Variants in NMNAT3 observed in about 807,000 individuals in gnomAD.
NMNAT3 encodes the protein nicotinamide/nicotinic acid mononucleotide adenylyltransferase 3.
NMNAT3 carries 21 observed loss-of-function variants against 24.8 expected under a neutral mutation model. That is an observed-to-expected ratio of 0.85 (90% confidence interval 0.60 to 1.22). The LOEUF (loss-of-function observed/expected upper bound fraction) is 1.22. NMNAT3 is among the 50% of genes most tolerant of loss of function. NMNAT3 has a pLI of 0.00. For synonymous variants in NMNAT3, 136 were observed against 155.2 expected, an observed-to-expected ratio of 0.88 and a Z score of 0.92; for missense variants, 387 against 436.6, an observed-to-expected ratio of 0.89 and a Z score of 1.01.
chr3:139,669,477 AG>A (rs576218189), intron 1 of NMNAT3, among the ~76,000 whole-genome samples: 15,288 of 113,284 alleles, frequency 0.13, 1,286 homozygotes, highest in East Asian at 0.24. Flanking sequence ...ACCCTGTCTC[AG>A]AAAAAAAAAA....
At chr3:139,642,307 G>T (rs1021858956) in intron 1 of NMNAT3, among the ~76,000 whole-genome samples, 4 of 152,210 alleles carry the variant, frequency 2.6e-5, no homozygotes, top group Admixed American at 6.5e-5. Flanking sequence ...ACCTCAAGAG[G>T]CCTCAGTTCT....
chr3:139,675,135 TACACACACACACACAC>T (rs148834873), intron 1 of NMNAT3, among the ~76,000 whole-genome samples: 3 of 148,350 alleles, frequency 2.0e-5, no homozygotes, highest in South Asian at 4.4e-4. Flanking sequence ...CTTTTAAACA[TACACACACACACACAC>T]ACACACACAC....
chr3:139,561,466 C>G (rs1936371452), intron 6 of NMNAT3, 74 bp from the exon 7 acceptor site: 1 of 1,406,786 alleles, frequency 7.1e-7, no homozygotes, highest in African/African-American at 1.8e-5. Context: ...ATTGGAAAGT[C>G]TCACAAAATG....
At chr3:139,634,635 CT>C (rs2056433043) in intron 2 of NMNAT3, 1 of 152,208 alleles carries the variant, frequency 6.6e-6, no homozygotes, top group Non-Finnish European at 1.5e-5. Flanking sequence ...TAAGGATCCT[CT>C]GCCAGCCACC....
chr3:139,629,832 AC>A (rs1426927276), intron 2 of NMNAT3, among the ~76,000 whole-genome samples: 1 of 151,962 alleles, frequency 6.6e-6, no homozygotes, highest in African/African-American at 2.4e-5. Context: ...CAACCAGAAA[AC>A]CCCCCGGCAC....
At chr3:139,670,292 C>T (rs2057716740) in intron 1 of NMNAT3, among the ~76,000 whole-genome samples, 1 of 152,220 alleles carries the variant, frequency 6.6e-6, no homozygotes, top group African/African-American at 2.4e-5. Flanking sequence ...CCACTGACAG[C>T]ATCTCTATCT....
chr3:139,561,105 C>T lies in NMNAT3; in HGVS notation c.946G>A (p.Ala316Thr), dbSNP rs1395121990. 1 of 1,614,120 alleles carries T rather than the reference C, an allele frequency of 6.2e-7. No homozygotes were observed. The highest frequency in any genetic ancestry group is 8.5e-7 in the Non-Finnish European group (1 of 1,180,032). Residue 316 changes from alanine to threonine, a missense_variant, in exon 7 of 7, where the codon GCT becomes ACT. Ala to Thr is a moderately conservative substitution (Grantham distance 58). This residue lies in a region of NMNAT3 where 323 missense variants were observed against 345.2 expected (regional missense o/e 0.94). Transcript: ENST00000643695. ...TGGTCCTTGATGTACGTGATGACAG[C>T]ATCGGGAATCAGGTACTTTACGCTC... is the stretch of plus-strand genomic sequence containing the variant.
intron 3 of NMNAT3, among the ~76,000 whole-genome samples, chr3:139,609,063 C>T (rs779400543): frequency 5.3e-5 from 8 of 152,158 alleles, no homozygotes; most frequent in Admixed American, 1.3e-4. Context: ...AGTTGTTGCA[C>T]GAATGATTTG....
At chr3:139,613,020 C>G (rs1375345458) in intron 3 of NMNAT3, among the ~76,000 whole-genome samples, 1 of 152,122 alleles carries the variant, frequency 6.6e-6, no homozygotes, top group Non-Finnish European at 1.5e-5. Context: ...AGATCTAAAA[C>G]CATAAAAACC....
chr3:139,627,579 C>T (rs770632716), intron 3 of NMNAT3, 37 bp downstream of exon 4: 1 of 1,256,092 alleles, frequency 8.0e-7, no homozygotes. Flanking sequence ...GCCTAACCCA[C>T]CAGTTCTTCT....
At chr3:139,599,301 T>C (rs757530218) in intron 3 of NMNAT3, 1 of 702,410 alleles carries the variant, frequency 1.4e-6, no homozygotes, top group South Asian at 1.5e-5. Flanking sequence ...TCTTCCCTTT[T>C]GCAGACTTCA....
intron 3 of NMNAT3, among the ~76,000 whole-genome samples, chr3:139,612,735 G>A (rs2055285509): frequency 6.6e-6 from 1 of 152,130 alleles, no homozygotes; most frequent in African/African-American, 2.4e-5. Context: ...CATGGTGAGC[G>A]AGTTGGTTAA....
chr3:139,575,834 T>C, intron 5 of NMNAT3: 1 of 1,215,870 alleles, frequency 8.2e-7, no homozygotes, highest in African/African-American at 1.6e-5. Flanking sequence ...GGAGGGCAAC[T>C]GTGGGAGGTG....
At chr3:139,641,014 A>C in intron 1 of NMNAT3, among the ~76,000 whole-genome samples, 2 of 152,238 alleles carry the variant, frequency 1.3e-5, no homozygotes, top group East Asian at 3.8e-4. Context: ...AACGGTAGGC[A>C]GTTCATAAGT....
At chr3:139,633,392 C>T (rs1440183386) in intron 2 of NMNAT3, among the ~76,000 whole-genome samples, 1 of 152,022 alleles carries the variant, frequency 6.6e-6, no homozygotes, top group African/African-American at 2.4e-5. Context: ...GTTGGTCAGG[C>T]TGGTCTCAAA....
At chr3:139,569,711 C>T (rs539632963) in intron 6 of NMNAT3, 36 of 152,292 alleles carry the variant, frequency 2.4e-4, no homozygotes, top group South Asian at 4.2e-4. Context: ...CCGAGAGGTC[C>T]GCTGTTAGTC....
chr3:139,638,460 G>A (rs1161264594), intron 1 of NMNAT3, among the ~76,000 whole-genome samples: 3 of 152,148 alleles, frequency 2.0e-5, no homozygotes, highest in Non-Finnish European at 4.4e-5. Flanking sequence ...TACCCTGGGG[G>A]CTTCCCTGTG....
At chr3:139,572,619 C>CTT (rs1326850255) in intron 6 of NMNAT3, among the ~76,000 whole-genome samples, 3 of 152,270 alleles carry the variant, frequency 2.0e-5, no homozygotes, top group Admixed American at 2.0e-4. Flanking sequence ...TGCATGGCAC[C>CTT]TTTAGGGCCT....
intron 3 of NMNAT3, among the ~76,000 whole-genome samples, chr3:139,607,599 T>C (rs1236451633): frequency 6.6e-6 from 1 of 152,182 alleles, no homozygotes; most frequent in Non-Finnish European, 1.5e-5. Flanking sequence ...CAGGCTCATT[T>C]GTTACTATTT....
Sources: allele counts gnomAD v4.1 joint callset (sites outside exome capture counted in the v4.1 genomes callset), GRCh38; gene constraint gnomAD v4.1.1; regional missense constraint gnomAD v4.1.1; transcripts MANE v1.5; gene names NCBI Gene and HGNC (gene_info 2026-07-23, HGNC 2026-07-21).